BCORL1: variants seen among roughly 807,000 people sequenced by gnomAD.
BCORL1 encodes the protein BCL6 corepressor like 1.
A neutral mutation model predicts 87.6 loss-of-function variants in BCORL1; 7 were observed. The observed-to-expected ratio is 0.08, with a 90% CI of 0.05 to 0.15. The LOEUF is 0.15. Ranked by LOEUF, BCORL1 falls within the 10% of genes least tolerant of loss-of-function variation. BCORL1 has a pLI of 1.00. For synonymous variants in BCORL1, 591 were observed against 634.4 expected (o/e 0.93, Z 1.03); for missense variants, 1,215 against 1,499.7 (o/e 0.81, Z 3.13).
At chrX:130,028,214 A>G (rs1010545900) in intron 7 of BCORL1, among the ~76,000 whole-genome samples, 3 of 111,480 alleles carry the variant, frequency 2.7e-5, no homozygotes, top group African/African-American at 9.8e-5. Context: ...CCTGTTCCCC[A>G]TGTACTTGAT....
chrX:130,039,939 A>G lies in BCORL1; in HGVS notation c.4840+657A>G, dbSNP rs549484986. ...GGATAGCAGCTGTTTGTCTGCAGTT[A>G]GATAGCTCTACTGAGTTGGGCAGGG... On this transcript the variant is annotated intron_variant, in intron 11 of 13. Coordinates refer to ENST00000540052, the MANE Select transcript of BCORL1 (RefSeq NM_001379451.1). Among the ~76,000 whole-genome samples, 40 of 112,854 alleles carry G rather than the reference A, an allele frequency of 3.5e-4. No individual in the cohort carries two copies. In the South Asian group the frequency reaches 0.014, roughly 40 times the overall value.
At chrX:130,020,932 G>A in intron 4 of BCORL1, 53 bp from the exon 5 acceptor site, 2 of 1,106,713 alleles carry the variant, frequency 1.8e-6, no homozygotes, top group Non-Finnish European at 2.4e-6. Flanking sequence ...CCCCTGGAGA[G>A]CTTTCTTAAG....
chrX:130,026,663 A>G (rs931888520), intron 7 of BCORL1, among the ~76,000 whole-genome samples: 3 of 110,896 alleles, frequency 2.7e-5, no homozygotes, highest in Non-Finnish European at 3.8e-5. Context: ...TTGCCACCCA[A>G]TGCAAAGATA....
At chrX:130,027,423 A>G (rs1292086970) in intron 7 of BCORL1, among the ~76,000 whole-genome samples, 3 of 112,861 alleles carry the variant, frequency 2.7e-5, no homozygotes, top group Non-Finnish European at 5.6e-5. Flanking sequence ...GGAACTGTGC[A>G]TAAGCTGCAG....
upstream of BCORL1, among the ~76,000 whole-genome samples, chrX:129,980,684 C>T (rs1004157752): frequency 9.3e-6 from 1 of 107,848 alleles, no homozygotes; most frequent in African/African-American, 3.4e-5. Context: ...TCGGGGACTC[C>T]GGTGGCGTGG....
At position 130,013,885 on chromosome X, in the gene BCORL1, C is replaced by T. The variant is rs943637672; in HGVS notation, c.1113C>T (p.Thr371=). 2 of 1,165,650 alleles carry T rather than the reference C, an allele frequency of 1.7e-6. No homozygotes were observed. Among genetic ancestry groups the T allele is most frequent in the African/African-American group, 1.8e-5 (1 of 56,148 alleles). Residue 371 remains threonine, a synonymous_variant, in exon 4 of 14, where the codon ACC becomes ACT. Coordinates refer to ENST00000540052, the MANE Select transcript of BCORL1 (RefSeq NM_001379451.1). ...CTTCCGGCCCACCTTCTACCCCCAC[C>T]CTCATCCCCGCCTTTGCTCCTACAC... The part of the protein sequence containing the change: ...TPSSGPPSTP[T]LIPAFAPTPV...
At chrX:130,033,379 G>A (rs111813054) in intron 8 of BCORL1, among the ~76,000 whole-genome samples, 11,636 of 111,538 alleles carry the variant, frequency 0.1, 1,482 homozygotes, top group African/African-American at 0.36. Context: ...CACCGCTCCC[G>A]GCCTCTCCTA....
intron 11 of BCORL1, among the ~76,000 whole-genome samples, chrX:130,047,168 G>C (rs113380237): frequency 4.5e-5 from 5 of 111,862 alleles, no homozygotes; most frequent in Non-Finnish European, 7.5e-5. Context: ...CCTTTTGGCT[G>C]TTCTGAATGG....
intron 5 of BCORL1, among the ~76,000 whole-genome samples, chrX:130,022,471 C>T (rs1441262856): frequency 1.8e-5 from 2 of 109,359 alleles, no homozygotes; most frequent in South Asian, 3.9e-4. Context: ...TGGGCTCGAT[C>T]TCCTGACCTC....
intron 1 of BCORL1, among the ~76,000 whole-genome samples, 168 bp downstream of exon 1, chrX:129,982,930 T>C (rs1411965940): frequency 3.7e-5 from 4 of 107,218 alleles, no homozygotes; most frequent in Admixed American, 9.8e-5. Context: ...CTCCACCCCT[T>C]TTGACTCCCC....
chrX:130,034,961 A>G (rs1930848700), intron 9 of BCORL1, among the ~76,000 whole-genome samples: 2 of 111,699 alleles, frequency 1.8e-5, no homozygotes, highest in Admixed American at 9.5e-5. Context: ...ATTTCTCTGT[A>G]TGGTGGTTTC....
In BCORL1 at chrX:130,021,069, G is replaced by A; in HGVS notation, c.3526G>A (p.Val1176Ile). 5.0e-6 allele frequency: 6 copies of A among 1,198,363 alleles called. No individual in the cohort carries two copies. Among genetic ancestry groups the A allele is most frequent in the Non-Finnish European group, 6.7e-6 (6 of 890,488 alleles). Residue 1176 changes from valine (V) to isoleucine (I), a missense_variant, in exon 5 of 14, where the codon GTC becomes ATC. This residue lies in a region of BCORL1 where 861 missense variants were observed against 1,010.0 expected (regional missense o/e 0.85). Coordinates refer to ENST00000540052, the MANE Select transcript of BCORL1 (RefSeq NM_001379451.1). ...ASDSGKEHNG[V>I]RGKHKHRKPT... is the part of the protein sequence containing the mutation. The stretch of plus-strand genomic sequence containing the variant: ...AGATTCAGGAAAAGAGCACAATGGA[G>A]TCAGGGGAAAGCACAAGCACCGGAA...
intron 1 of BCORL1, among the ~76,000 whole-genome samples, chrX:129,990,349 A>T (rs1175481418): frequency 9.1e-6 from 1 of 110,438 alleles, no homozygotes; most frequent in Non-Finnish European, 1.9e-5. Flanking sequence ...CTCCTGCCTC[A>T]GCCTCCTGAG....
At chrX:130,034,085 T>C (rs1603148802) in intron 8 of BCORL1, among the ~76,000 whole-genome samples, 1 of 112,327 alleles carries the variant, frequency 8.9e-6, no homozygotes. Flanking sequence ...TAAATGGTGA[T>C]TGAGGCAGGT....
upstream of BCORL1, chrX:129,981,836 A>T (rs939747829): frequency 1.3e-4 from 12 of 93,525 alleles, no homozygotes; most frequent in African/African-American, 4.8e-4. Context: ...CCCCAGAAGG[A>T]CTCCGTGTCT....
chrX:130,050,644 T>C, intron 11 of BCORL1, 73 bp from the exon 12 acceptor site: 4 of 898,915 alleles, frequency 4.4e-6, no homozygotes, highest in Non-Finnish European at 4.9e-6. Flanking sequence ...TAGCCCCGTA[T>C]GCATGGACTT....
At chrX:130,037,143 C>CA (rs778334952) in intron 9 of BCORL1, among the ~76,000 whole-genome samples, 8 of 105,805 alleles carry the variant, frequency 7.6e-5, no homozygotes, top group South Asian at 4.1e-4. Context: ...GAGACTGTCT[C>CA]AAAAAAAAAA....
chrX:130,037,544 T>C lies in BCORL1; in HGVS notation c.4694+11T>C. 4 of 1,197,426 alleles carry C rather than the reference T, an allele frequency of 3.3e-6. No homozygotes were observed. Among genetic ancestry groups the C allele is most frequent in the Non-Finnish European group, 4.5e-6 (4 of 886,362 alleles). ...GCAGGACGGCACGAGGCAAGAGGGC[T>C]GCATCTCCCCCCAGTCCCGCCCTCA... On this transcript the variant is annotated intron_variant, in intron 10 of 13. Transcript: ENST00000540052.
intron 1 of BCORL1, among the ~76,000 whole-genome samples, chrX:130,002,362 T>C (rs1361608568): frequency 9.2e-6 from 1 of 108,261 alleles, no homozygotes; most frequent in Non-Finnish European, 1.9e-5. Flanking sequence ...GAGCTGAAAC[T>C]GTGGAAGCTC....
Sources: gnomAD v4.1 joint callset for allele counts (sites outside exome capture counted in the v4.1 genomes callset) on GRCh38, gnomAD v4.1.1 for gene constraint, gnomAD v4.1.1 regional missense constraint, MANE v1.5 for transcripts, NCBI Gene and HGNC (gene_info 2026-07-23, HGNC 2026-07-21) for gene names.